DOCK8: variants seen among roughly 807,000 people sequenced by gnomAD.
DOCK8 encodes dedicator of cytokinesis protein 8.
Under a neutral mutation model 245.6 loss-of-function variants are expected in DOCK8, and 141 were observed. The ratio of observed to expected loss-of-function variants is 0.57; its 90% confidence interval spans 0.50 to 0.66. The LOEUF is 0.66. Ranked by LOEUF, DOCK8 falls within the 30% of genes least tolerant of loss-of-function variation. DOCK8 has a pLI of 0.00. For missense variants in DOCK8, 2,965 were observed against 2,603.4 expected, an observed-to-expected ratio of 1.14 and a Z score of -3.02; for synonymous variants, 1,168 against 970.2, an observed-to-expected ratio of 1.20 and a Z score of -3.79.
At position 433,920 on chromosome 9, in the gene DOCK8, G is replaced by A. The variant is rs746467722; in HGVS notation, c.4831G>A (p.Val1611Met). 1.9e-6 allele frequency: 3 copies of A among 1,614,142 alleles called. No homozygotes were observed. The highest frequency in any genetic ancestry group is 1.7e-5 in the Admixed American group (1 of 60,022). Residue 1611 changes from valine to methionine, a missense_variant, in exon 38 of 48, where the codon GTG (valine) becomes ATG (methionine). This residue lies in a region of DOCK8 where 2,825 missense variants were observed against 2,453.5 expected (regional missense o/e 1.15). Transcript: ENST00000432829. ...TCTGAATAGCATCTTATATGACACAGTGAAAATGAGGGAATTTCAGGAAGA... is the reference window on the plus strand; with the variant it reads ...TCTGAATAGCATCTTATATGACACAATGAAAATGAGGGAATTTCAGGAAGA... ...CNLNSILYDT[V>M]KMREFQEDPE... is the part of the protein sequence containing the mutation.
intron 7 of DOCK8, 142 bp downstream of exon 7, chr9:317,270 AG>A: frequency 1.4e-6 from 1 of 735,954 alleles, no homozygotes. Flanking sequence ...AGTAGTAGAA[AG>A]GGCACGTTTG....
At chr9:218,809 G>A (rs1278110020) in intron 1 of DOCK8, among the ~76,000 whole-genome samples, 1 of 152,178 alleles carries the variant, frequency 6.6e-6, no homozygotes, top group African/African-American at 2.4e-5. Flanking sequence ...GGATTGAAAG[G>A]AAGAAAAAAT....
At position 439,356 on chromosome 9, in the gene DOCK8, C is replaced by G; in HGVS notation, c.5191C>G (p.Leu1731Val). 1 of 1,614,026 alleles carries G rather than the reference C, an allele frequency of 6.2e-7. No individual in the cohort carries two copies. Among genetic ancestry groups the G allele is most frequent in the Non-Finnish European group, 8.5e-7 (1 of 1,180,014 alleles). ...CTTCACCGAGAGTGGCCTGGTAGGC[C>G]TCCTGGAGCAGGCCGCGGAGCTCTT... Reference protein sequence around the residue: ...QYFTESGLVGLLEQAAELFST... With the variant: ...QYFTESGLVGVLEQAAELFST... The change falls in exon 40 of 48, where the codon CTC becomes GTC. Residue 1731 changes from leucine (L) to valine (V), a missense_variant. Physicochemically the swap from Leu to Val is conservative, Grantham distance 32 (BLOSUM62 1). Coordinates refer to ENST00000432829, the MANE Select transcript of DOCK8 (RefSeq NM_203447.4).
chr9:310,946 A>T (rs2050081232), intron 5 of DOCK8, among the ~76,000 whole-genome samples: 1 of 152,174 alleles, frequency 6.6e-6, no homozygotes. Context: ...AAAGCATGAG[A>T]GGATGTCACT....
At chr9:464,112 T>C (rs779476826) in intron 47 of DOCK8, 47 bp from the exon 48 acceptor site, 1 of 1,510,644 alleles carries the variant, frequency 6.6e-7, no homozygotes, top group African/African-American at 1.4e-5. Flanking sequence ...TTTTCTTGCT[T>C]CTGTACGCTC....
intron 1 of DOCK8, among the ~76,000 whole-genome samples, chr9:243,771 G>C (rs1338641864): frequency 6.6e-6 from 1 of 152,088 alleles, no homozygotes; most frequent in Admixed American, 6.5e-5. Flanking sequence ...GTTTCTCAGA[G>C]TGTGTCAATG....
At chr9:414,735 C>A in intron 28 of DOCK8, 47 bp from the exon 29 acceptor site, 1 of 1,612,852 alleles carries the variant, frequency 6.2e-7, no homozygotes, top group Non-Finnish European at 8.5e-7. Flanking sequence ...GCTCTTTAGT[C>A]AATTTCCTTT....
At chr9:408,323 A>G (rs888502361) in intron 28 of DOCK8, among the ~76,000 whole-genome samples, 1 of 152,206 alleles carries the variant, frequency 6.6e-6, no homozygotes, top group African/African-American at 2.4e-5. Context: ...AAGTGACTCT[A>G]TGTCTGCGTC....
chr9:415,401 C>A (rs1210108482), intron 29 of DOCK8, among the ~76,000 whole-genome samples: 1 of 152,024 alleles, frequency 6.6e-6, no homozygotes, highest in African/African-American at 2.4e-5. Context: ...AAAATCATGG[C>A]ATATGTCAAT....
chr9:380,114 C>A, intron 21 of DOCK8, among the ~76,000 whole-genome samples, 179 bp downstream of exon 21: 1 of 118,124 alleles, frequency 8.5e-6, no homozygotes, highest in Admixed American at 8.6e-5. Context: ...ATCTGCAACC[C>A]CAGCACTCTA....
intron 26 of DOCK8, among the ~76,000 whole-genome samples, chr9:402,308 A>C (rs1380548549): frequency 1.3e-5 from 2 of 152,174 alleles, no homozygotes; most frequent in African/African-American, 4.8e-5. Context: ...TCAAATGCCA[A>C]AGATCCCTAG....
intron 1 of DOCK8, among the ~76,000 whole-genome samples, chr9:248,535 T>C (rs1348850707): frequency 2.3e-5 from 2 of 88,314 alleles, no homozygotes; most frequent in Admixed American, 1.2e-4. Flanking sequence ...CTCTCTCTCT[T>C]TCTTTCTTTC....
intron 12 of DOCK8, among the ~76,000 whole-genome samples, chr9:336,961 T>C (rs2051340775): frequency 6.6e-6 from 1 of 152,136 alleles, no homozygotes; most frequent in African/African-American, 2.4e-5. Flanking sequence ...TGGTGAGGGC[T>C]TTCTTGCTGG....
At chr9:233,423 C>T (rs1255425834) in intron 1 of DOCK8, among the ~76,000 whole-genome samples, 2 of 152,168 alleles carry the variant, frequency 1.3e-5, no homozygotes, top group African/African-American at 4.8e-5. Context: ...CTGCTTGGTG[C>T]AGAGCTGAGG....
At chr9:420,892 T>C in intron 31 of DOCK8, 57 bp from the exon 32 acceptor site, 1 of 1,609,996 alleles carries the variant, frequency 6.2e-7, no homozygotes, top group South Asian at 1.1e-5. Context: ...TTGGTAACTC[T>C]CCCCATCAAC....
Position 396,905 on chromosome 9 carries a change from A to G in DOCK8, c.3091A>G (p.Ile1031Val). 6.2e-7 allele frequency: 1 copy of G among 1,614,110 alleles called. No individual in the cohort carries two copies. Among genetic ancestry groups the G allele is most frequent in the Non-Finnish European group, 8.5e-7 (1 of 1,180,024 alleles). Residue 1031 changes from isoleucine (I) to valine (V), a missense_variant, in exon 25 of 48, where the codon ATT (isoleucine) becomes GTT (valine). By Grantham distance (29) the Ile-to-Val change is conservative. Coordinates refer to ENST00000432829, the MANE Select transcript of DOCK8 (RefSeq NM_203447.4). ...TATTGTTAATGTGGTCACCTCGGAA[A>G]TTGCAGCCCTTTTAGTAAAACCACA... is the stretch of plus-strand genomic sequence containing the variant. ...TTIVNVVTSE[I>V]AALLVKPQKE...
intron 2 of DOCK8, among the ~76,000 whole-genome samples, chr9:277,477 A>G (rs1586575261): frequency 2.2e-4 from 29 of 131,840 alleles, no homozygotes; most frequent in Admixed American, 8.2e-4. Context: ...AAGAGAAGAG[A>G]AGAGAAGAGA....
chr9:303,862 G>A (rs972169674), intron 4 of DOCK8, among the ~76,000 whole-genome samples: 1 of 152,194 alleles, frequency 6.6e-6, no homozygotes. Flanking sequence ...TGGCGTGTTT[G>A]TGCACTTGAC....
intron 1 of DOCK8, among the ~76,000 whole-genome samples, chr9:230,202 G>C (rs929602351): frequency 6.6e-6 from 1 of 151,944 alleles, no homozygotes; most frequent in Admixed American, 6.6e-5. Context: ...ATGGTTTCCA[G>C]TTTCATCCAT....
Sources: allele counts gnomAD v4.1 joint callset (sites outside exome capture counted in the v4.1 genomes callset), GRCh38; gene constraint gnomAD v4.1.1; regional missense constraint gnomAD v4.1.1; transcripts MANE v1.5; gene names NCBI Gene and HGNC (gene_info 2026-07-23, HGNC 2026-07-21).